SAMD4A: variants seen among roughly 807,000 people sequenced by gnomAD.
SAMD4A encodes the protein protein Smaug homolog 1.
SAMD4A carries 33 observed loss-of-function variants against 81.3 expected under a neutral mutation model. The ratio of observed to expected loss-of-function variants is 0.41; its 90% CI spans 0.31 to 0.54. SAMD4A has a LOEUF of 0.54. Ranked by LOEUF, SAMD4A falls within the 20% of genes least tolerant of loss-of-function variation. The pLI is 0.37. For synonymous variants in SAMD4A, 389 were observed against 382.1 expected, an observed-to-expected ratio of 1.02 and a Z score of -0.21; for missense variants, 854 against 951.1, an observed-to-expected ratio of 0.90 and a Z score of 1.34.
At chr14:54,633,765 C>A (rs2034961374) in intron 2 of SAMD4A, among the ~76,000 whole-genome samples, 1 of 152,094 alleles carries the variant, frequency 6.6e-6, no homozygotes, top group African/African-American at 2.4e-5. Flanking sequence ...GCTTTACTAT[C>A]CTTTATAAAA....
At chr14:54,632,264 C>CT (rs927310754) in intron 2 of SAMD4A, among the ~76,000 whole-genome samples, 2 of 152,156 alleles carry the variant, frequency 1.3e-5, no homozygotes, top group Non-Finnish European at 2.9e-5. Flanking sequence ...TGGCTGTACC[C>CT]TTTTTCCTTT....
chr14:54,619,589 C>T (rs1301684596), intron 2 of SAMD4A, among the ~76,000 whole-genome samples: 2 of 151,970 alleles, frequency 1.3e-5, no homozygotes, highest in Non-Finnish European at 2.9e-5. Flanking sequence ...GGTACATGTG[C>T]AGGTTTTGTT....
intron 9 of SAMD4A, among the ~76,000 whole-genome samples, chr14:54,773,629 C>T (rs1354063166): frequency 6.6e-6 from 1 of 152,242 alleles, no homozygotes; most frequent in Non-Finnish European, 1.5e-5. Context: ...GGCAGCCTCC[C>T]TGCCCGGACC....
intron 4 of SAMD4A, among the ~76,000 whole-genome samples, chr14:54,746,455 TC>T (rs1487576527): frequency 1.3e-5 from 2 of 152,204 alleles, no homozygotes; most frequent in East Asian, 3.8e-4. Flanking sequence ...GGAAAACTAC[TC>T]CCAGTGTTTT....
chr14:54,737,105 T>C lies in SAMD4A; in HGVS notation c.797T>C (p.Leu266Pro), dbSNP rs1402658513. ...CCCATGAATGTGCCAAACCAGCCTC[T>C]AGGACATGGATGGATGTCTCATGAG... Reference protein sequence around the residue: ...TPPMNVPNQPLGHGWMSHEDL... With the variant: ...TPPMNVPNQPPGHGWMSHEDL... The change falls in exon 4 of 13, where the codon CTA becomes CCA. Residue 266 changes from leucine to proline, a missense_variant. By Grantham distance (98) the Leu-to-Pro change is moderately conservative (BLOSUM62 -3). Around this residue, in one of 3 missense-constraint regions of SAMD4A, gnomAD observed 387 missense variants for 405.8 expected, o/e 0.95. Coordinates refer to ENST00000554335, the MANE Select transcript of SAMD4A (RefSeq NM_015589.6). The C allele has an allele frequency of 6.2e-7, 1 of 1,614,126 alleles. No individual in the cohort carries two copies. Among genetic ancestry groups the C allele is most frequent in the South Asian group, 1.1e-5 (1 of 91,078 alleles).
At chr14:54,728,152 A>G (rs1439796988) in intron 3 of SAMD4A, among the ~76,000 whole-genome samples, 2 of 152,318 alleles carry the variant, frequency 1.3e-5, no homozygotes, top group East Asian at 3.9e-4. Context: ...ATAATACCCA[A>G]GTAGATGAGT....
chr14:54,724,641 G>C (rs1298210683), intron 3 of SAMD4A, among the ~76,000 whole-genome samples: 1 of 152,170 alleles, frequency 6.6e-6, no homozygotes, highest in Non-Finnish European at 1.5e-5. Context: ...CCAGCTCAGG[G>C]CAGGTAAGGA....
rs146610127 is a variant in SAMD4A at position 54,774,125 on chromosome 14, G to A, written c.1716-809G>A. ...AGCAGCATGGGTTGGAGAAGATGCGGTAGGGAGGCGCAAGGCGGCAGGCAG... is the reference window on the plus strand; with the variant it reads ...AGCAGCATGGGTTGGAGAAGATGCGATAGGGAGGCGCAAGGCGGCAGGCAG... On this transcript the variant is annotated intron_variant, in intron 9 of 12. Coordinates refer to ENST00000554335, the MANE Select transcript of SAMD4A (RefSeq NM_015589.6). Among the ~76,000 whole-genome samples the A allele has an allele frequency of 7.5e-4, 114 of 152,382 alleles. 3 individuals carry two copies. In the East Asian group the frequency reaches 0.02, roughly 26 times the overall value.
At chr14:54,647,613 G>C (rs1407966482) in intron 2 of SAMD4A, among the ~76,000 whole-genome samples, 1 of 152,212 alleles carries the variant, frequency 6.6e-6, no homozygotes, top group Non-Finnish European at 1.5e-5. Context: ...ACTCTGCGTA[G>C]AAGAGAAGTT....
intron 2 of SAMD4A, among the ~76,000 whole-genome samples, chr14:54,573,097 CT>C (rs1476296544): frequency 1.3e-5 from 2 of 152,124 alleles, no homozygotes; most frequent in Non-Finnish European, 2.9e-5. Context: ...TATTTAGGGG[CT>C]TTATATATGA....
chr14:54,585,609 G>A (rs939924697), intron 2 of SAMD4A, among the ~76,000 whole-genome samples: 3 of 151,886 alleles, frequency 2.0e-5, no homozygotes, highest in Non-Finnish European at 4.4e-5. Flanking sequence ...TCCTTCCCCC[G>A]AGTCCCCAAA....
chr14:54,761,588 C>A (rs1302531326), intron 7 of SAMD4A, among the ~76,000 whole-genome samples: 1 of 152,250 alleles, frequency 6.6e-6, no homozygotes, highest in Non-Finnish European at 1.5e-5. Flanking sequence ...CTAGTTTATA[C>A]AAAGCCTTCA....
chr14:54,626,208 T>G (rs962334500), intron 2 of SAMD4A, among the ~76,000 whole-genome samples: 6 of 152,138 alleles, frequency 3.9e-5, no homozygotes, highest in African/African-American at 1.4e-4. Context: ...AGTTACAGGG[T>G]CATTACCACA....
Position 54,626,015 on chromosome 14 carries a change from GGTGTGTGT to G in SAMD4A, c.196+57941_196+57948del, listed in dbSNP as rs71446501. On this transcript the variant is annotated intron_variant, in intron 2 of 12. Coordinates refer to ENST00000554335, the MANE Select transcript of SAMD4A (RefSeq NM_015589.6). ...TTACAGAATAGCAGCTCTACTGCTA[GGTGTGTGT>G]GTGTGTGTGTGTGTGTGTGTGTGTG... is the stretch of plus-strand genomic sequence containing the variant. Among the ~76,000 whole-genome samples, 811 of 131,708 alleles carry G rather than the reference GGTGTGTGT, an allele frequency of 6.2e-3. 4 individuals are homozygous for G. Among genetic ancestry groups the G allele is most frequent in the South Asian group, 0.013 (46 of 3,666 alleles). The allele number at this position is 131,708 out of a possible 152,430, so 86.4% of individuals were successfully genotyped here. A position where few individuals can be genotyped will look rare whatever the true frequency, so the allele number is the denominator to read the frequency against.
intron 5 of SAMD4A, 146 bp downstream of exon 5, chr14:54,749,070 C>A: frequency 1.7e-6 from 1 of 586,546 alleles, no homozygotes; most frequent in Non-Finnish European, 3.1e-6. Context: ...GGCCAGCATT[C>A]CATGGTGAGC....
intron 2 of SAMD4A, among the ~76,000 whole-genome samples, chr14:54,671,938 T>C (rs556495876): frequency 6.7e-6 from 1 of 148,910 alleles, no homozygotes; most frequent in Non-Finnish European, 1.5e-5. Context: ...TGGAGAGTAG[T>C]GTTAGGGGGA....
chr14:54,565,364 G>GAC (rs2032899766), upstream of SAMD4A, among the ~76,000 whole-genome samples: 3 of 152,234 alleles, frequency 2.0e-5, no homozygotes, highest in Non-Finnish European at 4.4e-5. This position sits in a 1 kb window ranked among gnomAD's most constrained non-coding sequence, Gnocchi z 5.4. Flanking sequence ...CCGGTCTCAG[G>GAC]AGTTCGGCCA....
At chr14:54,771,865 C>T (rs1350414989) in intron 9 of SAMD4A, among the ~76,000 whole-genome samples, 3 of 152,174 alleles carry the variant, frequency 2.0e-5, no homozygotes, top group Non-Finnish European at 2.9e-5. Context: ...GGTCCACATC[C>T]GAGAGCCTTC....
intron 2 of SAMD4A, among the ~76,000 whole-genome samples, chr14:54,626,729 C>G (rs528737138): frequency 6.6e-5 from 10 of 152,124 alleles, no homozygotes; most frequent in Non-Finnish European, 1.3e-4. Context: ...AGCAGGAGAA[C>G]AGCAATTCTC....
Sources: allele counts gnomAD v4.1 joint callset (sites outside exome capture counted in the v4.1 genomes callset), GRCh38; gene constraint gnomAD v4.1.1; regional missense constraint gnomAD v4.1.1; non-coding constraint Gnocchi (gnomAD v3.1); transcripts MANE v1.5; gene names NCBI Gene and HGNC (gene_info 2026-07-23, HGNC 2026-07-21).